SOX6: variants seen among roughly 807,000 people sequenced by gnomAD.
The protein encoded by SOX6 is SRY-box transcription factor 6, also known as transcription factor SOX-6.
In SOX6, 11 loss-of-function variants were observed where a neutral mutation model predicts 97.8. The observed-to-expected ratio is 0.11, with a 90% confidence interval of 0.07 to 0.19. SOX6 has a LOEUF of 0.19. Among genes scored for constraint, SOX6 ranks in the 10% least tolerant of loss-of-function variants. The pLI, the probability that SOX6 is intolerant of heterozygous loss-of-function variation, is 1.00. For missense variants in SOX6, 810 were observed against 1,039.5 expected (o/e 0.78, Z 3.04); for synonymous variants, 360 against 371.4 (o/e 0.97, Z 0.35).
At chr11:16,421,254 C>A (rs1380249221) in intron 1 of SOX6, among the ~76,000 whole-genome samples, 1 of 151,954 alleles carries the variant, frequency 6.6e-6, no homozygotes, top group African/African-American at 2.4e-5. Flanking sequence ...TCTGAACTCT[C>A]AAAAGATTGA....
At chr11:16,547,835 C>T (rs1395780784) in intron 4 of SOX6, among the ~76,000 whole-genome samples, 2 of 152,142 alleles carry the variant, frequency 1.3e-5, no homozygotes, top group Admixed American at 1.3e-4. Context: ...ATATCCTAAA[C>T]ACCCTAACTT....
intron 1 of SOX6, among the ~76,000 whole-genome samples, chr11:16,398,232 A>G (rs920690024): frequency 1.3e-5 from 2 of 151,540 alleles, no homozygotes; most frequent in African/African-American, 2.4e-5. Flanking sequence ...CTCCAACGCA[A>G]TCCCTTAGAA....
At chr11:16,578,443 T>A (rs1848003575) in intron 4 of SOX6, among the ~76,000 whole-genome samples, 1 of 152,122 alleles carries the variant, frequency 6.6e-6, no homozygotes, top group Non-Finnish European at 1.5e-5. Context: ...TTACTGGCCA[T>A]GAAGCCTTCT....
intron 15 of SOX6, among the ~76,000 whole-genome samples, chr11:15,978,090 G>A (rs886395063): frequency 2.6e-5 from 4 of 151,860 alleles, no homozygotes; most frequent in African/African-American, 9.7e-5. Context: ...TCCAGCAATT[G>A]TCTCTCCTAT....
chr11:16,463,636 C>A (rs1483234277), intron 1 of SOX6, among the ~76,000 whole-genome samples: 1 of 152,174 alleles, frequency 6.6e-6, no homozygotes. Flanking sequence ...CAAGTATAGA[C>A]CCTCGACTGT....
chr11:16,495,112 C>T (rs56225716), intron 4 of SOX6, among the ~76,000 whole-genome samples: 14,798 of 152,106 alleles, frequency 0.097, 835 homozygotes, highest in Non-Finnish European at 0.13. Context: ...AAACATGAGC[C>T]ACTGGCAACA....
chr11:16,210,196 T>C (rs1001086048), intron 4 of SOX6, among the ~76,000 whole-genome samples: 1 of 152,166 alleles, frequency 6.6e-6, no homozygotes, highest in African/African-American at 2.4e-5. Context: ...CAAATGTTCA[T>C]AGCAGCACTA....
chr11:16,405,278 T>G (rs2133048582), intron 1 of SOX6, among the ~76,000 whole-genome samples: 1 of 152,128 alleles, frequency 6.6e-6, no homozygotes, highest in East Asian at 1.9e-4. Flanking sequence ...AACAGGTTAC[T>G]TAGCTTTCAG....
At chr11:16,132,316 AAGGAAGGAAGGAAGGAAAG>A (rs1849775107) in intron 6 of SOX6, among the ~76,000 whole-genome samples, 1 of 129,300 alleles carries the variant, frequency 7.7e-6, no homozygotes, top group Non-Finnish European at 1.6e-5. Flanking sequence ...GGAAGGAAGG[AAGGAAGGAAGGAAGGAAAG>A]AAAAAAGAAA....
At chr11:15,987,212 T>C (rs1446284388) in intron 14 of SOX6, among the ~76,000 whole-genome samples, 1 of 152,230 alleles carries the variant, frequency 6.6e-6, no homozygotes, top group African/African-American at 2.4e-5. Context: ...AATAAAGCGG[T>C]AACAGCTGTG....
chr11:16,157,011 G>A (rs1008277700), intron 6 of SOX6, among the ~76,000 whole-genome samples: 2 of 151,962 alleles, frequency 1.3e-5, no homozygotes, highest in Admixed American at 6.6e-5. Flanking sequence ...AATGAGCAGT[G>A]ATTTATCATT....
At chr11:16,068,015 C>A (rs993762220) in intron 9 of SOX6, among the ~76,000 whole-genome samples, 8 of 152,102 alleles carry the variant, frequency 5.3e-5, no homozygotes, top group Admixed American at 3.9e-4. Flanking sequence ...CCAGGCCTAG[C>A]CAAGTTACCC....
intron 4 of SOX6, among the ~76,000 whole-genome samples, chr11:16,527,643 A>G (rs1050995193): frequency 3.3e-5 from 5 of 152,164 alleles, no homozygotes; most frequent in Non-Finnish European, 1.5e-5. Context: ...AGAAGATGTA[A>G]CAAATGCCAT....
intron 3 of SOX6, among the ~76,000 whole-genome samples, chr11:16,681,128 C>A (rs377186501): frequency 6.6e-6 from 1 of 152,186 alleles, no homozygotes; most frequent in Admixed American, 6.5e-5. Flanking sequence ...ATCTACAAAA[C>A]CCTCCACCCC....
intron 1 of SOX6, among the ~76,000 whole-genome samples, chr11:16,379,674 G>C (rs1466149050): frequency 6.6e-6 from 1 of 151,994 alleles, no homozygotes; most frequent in African/African-American, 2.4e-5. Flanking sequence ...CAACTTTCCT[G>C]GGGGGCATTT....
chr11:16,013,187 G>A lies in SOX6; in HGVS notation c.1732+1755C>T, dbSNP rs560136755. Among the ~76,000 whole-genome samples the A allele has an allele frequency of 3.9e-5, 6 of 152,160 alleles. No individual in the cohort carries two copies. In the East Asian group the frequency reaches 7.7e-4, roughly 20 times the overall value. On this transcript the variant is annotated intron_variant, in intron 13 of 15. Transcript: ENST00000683767. The stretch of plus-strand genomic sequence containing the variant: ...ACAAATTAGAAAAGTCTTTGACAGC[G>A]CGGGTAAGGTGACAGAGCTCTGTAA...
intron 6 of SOX6, among the ~76,000 whole-genome samples, chr11:16,132,423 AAGAAAGAAAGAAAGAAAGAAAAAAG>A (rs1849817237): frequency 8.8e-6 from 1 of 114,026 alleles, no homozygotes; most frequent in African/African-American, 3.9e-5. Context: ...GAAAGAAAGA[AAGAAAGAAAGAAAGAAAGAAAAAAG>A]AAAGAAAGAA....
intron 9 of SOX6, among the ~76,000 whole-genome samples, chr11:16,093,325 A>T: frequency 6.6e-6 from 1 of 152,104 alleles, no homozygotes; most frequent in African/African-American, 2.4e-5. Flanking sequence ...AGAGAAAACC[A>T]TGCCTTAGAT....
At position 16,196,415 on chromosome 11, in the gene SOX6, T is replaced by A. The variant is rs188027772; in HGVS notation, c.536-9460A>T. ...TACTTTACCCAACAGACAATGTAGCTGAGATTTTCCTTATAATCTATTTTT... is the reference window on the plus strand; with the variant it reads ...TACTTTACCCAACAGACAATGTAGCAGAGATTTTCCTTATAATCTATTTTT... On this transcript the variant is annotated intron_variant, in intron 4 of 15. Transcript: ENST00000683767. Among the ~76,000 whole-genome samples the A allele has an allele frequency of 5.6e-4, 86 of 152,366 alleles. 1 individual carries two copies. The highest frequency in any genetic ancestry group is 4.0e-3 in the Admixed American group (61 of 15,308).
Sources: allele counts gnomAD v4.1 joint callset (sites outside exome capture counted in the v4.1 genomes callset), GRCh38; gene constraint gnomAD v4.1.1; transcripts MANE v1.5; gene names NCBI Gene and HGNC (gene_info 2026-07-23, HGNC 2026-07-21).